ZNF618: variants seen among roughly 807,000 people sequenced by gnomAD.
The protein encoded by ZNF618 is neural precursor cell expressed, developmentally down-regulated 10.
Under a neutral mutation model 103.0 loss-of-function variants are expected in ZNF618, and 34 were observed. The observed-to-expected ratio is 0.33, with a 90% CI of 0.25 to 0.44. ZNF618 has a LOEUF of 0.44. Ranked by LOEUF, ZNF618 falls within the 20% of genes least tolerant of loss-of-function variation. ZNF618 has a pLI of 1.00. For missense variants in ZNF618, 1,059 were observed against 1,295.4 expected (o/e 0.82, Z 2.80); for synonymous variants, 551 against 542.2 (o/e 1.02, Z -0.23).
At chr9:114,021,358 T>G (rs145403990) in intron 10 of ZNF618, among the ~76,000 whole-genome samples, 3 of 152,234 alleles carry the variant, frequency 2.0e-5, no homozygotes, top group Non-Finnish European at 4.4e-5. Context: ...AAGGTTAGTT[T>G]ATAGAGTAAT....
chr9:113,951,425 GTGTGTGTATATATA>G (rs1835616496), intron 1 of ZNF618, among the ~76,000 whole-genome samples: 1 of 37,540 alleles, frequency 2.7e-5, no homozygotes, highest in African/African-American at 1.0e-4. Flanking sequence ...ACATATATGT[GTGTGTGTATATATA>G]TACATATATG....
chr9:114,007,360 G>A lies in ZNF618; in HGVS notation c.561G>A (p.Arg187=), dbSNP rs1841843586. ...GEGASQSNNF[R]YTCDICGKKY... The stretch of plus-strand genomic sequence containing the variant: ...TTTCATCCCATGCAGACAATTTCAG[G>A]TACACATGTGATATCTGCGGGAAGA... Residue 187 remains arginine (R), a synonymous_variant, in exon 7 of 15, where the codon AGG becomes AGA. Transcript: ENST00000374126. 1 of 1,613,752 alleles carries A rather than the reference G, an allele frequency of 6.2e-7. No homozygotes were observed. Among genetic ancestry groups the A allele is most frequent in the South Asian group, 1.1e-5 (1 of 91,006 alleles).
In ZNF618 at chr9:114,048,810, G is replaced by T; in HGVS notation, c.1508G>T (p.Gly503Val). 6.2e-7 allele frequency: 1 copy of T among 1,613,794 alleles called. No homozygotes were observed. Among genetic ancestry groups the T allele is most frequent in the Non-Finnish European group, 8.5e-7 (1 of 1,179,782 alleles). The change falls in exon 15 of 15, where the codon GGT becomes GTT. Residue 503 changes from glycine (G) to valine (V), a missense_variant. Around this residue, in one of 6 missense-constraint regions of ZNF618, gnomAD observed 434 missense variants for 476.0 expected, o/e 0.91. Transcript: ENST00000374126. ...TTGGCCCAGACCTTAGTAGACAGTG[G>T]TGCCCGCTATGGGGCCTTCTCGGTC... ...LKLAQTLVDS[G>V]ARYGAFSVTE...
chr9:113,962,058 T>C (rs1046416106), intron 1 of ZNF618, among the ~76,000 whole-genome samples: 9 of 152,176 alleles, frequency 5.9e-5, no homozygotes, highest in Non-Finnish European at 1.5e-5. Flanking sequence ...GGTTAATTCT[T>C]GGTCAAAGAG....
At chr9:113,940,120 CTCA>C (rs1168298219) in intron 1 of ZNF618, among the ~76,000 whole-genome samples, 1 of 97,248 alleles carries the variant, frequency 1.0e-5, no homozygotes, top group African/African-American at 3.3e-5. Context: ...TTTTTAATTT[CTCA>C]AAAAAAAAAA....
Position 113,879,397 on chromosome 9 carries a change from G to T in ZNF618, c.33+2984G>T, listed in dbSNP as rs200996867. Among the ~76,000 whole-genome samples the T allele has an allele frequency of 7.5e-3, 709 of 94,182 alleles. 1 individual carries two copies. The highest frequency in any genetic ancestry group is 8.7e-3 in the East Asian group (26 of 2,984). 61.8% of individuals were successfully genotyped at this position (94,182 alleles called of 152,430 possible). ...GTAGAACTGTTTTTTTTTTTTTTCT[G>T]TTTTTTTTTTTTTTTTAAATTGGTT... On this transcript the variant is annotated intron_variant, in intron 1 of 14. Coordinates refer to ENST00000374126, the MANE Select transcript of ZNF618 (RefSeq NM_001318042.2).
intron 12 of ZNF618, among the ~76,000 whole-genome samples, chr9:114,035,797 G>A (rs1844538389): frequency 6.6e-6 from 1 of 151,992 alleles, no homozygotes; most frequent in African/African-American, 2.4e-5. Flanking sequence ...CTGCTTCTCT[G>A]TGGCTTTTTC....
chr9:114,010,362 G>A (rs1232947313), intron 9 of ZNF618, among the ~76,000 whole-genome samples: 1 of 150,054 alleles, frequency 6.7e-6, no homozygotes, highest in African/African-American at 2.4e-5. Flanking sequence ...AATACGAGAA[G>A]TTAGACGGTA....
At chr9:113,882,990 C>G (rs970694569) in intron 1 of ZNF618, among the ~76,000 whole-genome samples, 2 of 152,238 alleles carry the variant, frequency 1.3e-5, no homozygotes, top group Non-Finnish European at 2.9e-5. Flanking sequence ...TTCTGCTTCT[C>G]CAGCCAACTT....
chr9:113,970,078 A>G (rs2132818923), intron 2 of ZNF618, among the ~76,000 whole-genome samples: 1 of 152,318 alleles, frequency 6.6e-6, no homozygotes, highest in Non-Finnish European at 1.5e-5. Context: ...CCAGTAAGTT[A>G]GAGGACAGTG....
chr9:114,020,037 G>A (rs1379812023), intron 10 of ZNF618, among the ~76,000 whole-genome samples: 1 of 152,160 alleles, frequency 6.6e-6, no homozygotes, highest in East Asian at 1.9e-4. Context: ...TGAGGTATGA[G>A]TTGAGACTCA....
chr9:114,047,631 G>A (rs1845773046), intron 13 of ZNF618, among the ~76,000 whole-genome samples: 1 of 152,130 alleles, frequency 6.6e-6, no homozygotes. Context: ...ACCACACACT[G>A]TGCTCAGCTC....
At chr9:113,880,121 C>T (rs542908133) in intron 1 of ZNF618, among the ~76,000 whole-genome samples, 3 of 152,198 alleles carry the variant, frequency 2.0e-5, no homozygotes, top group African/African-American at 4.8e-5. Context: ...AGAATCCTTA[C>T]GTCTTCTCCT....
intron 1 of ZNF618, among the ~76,000 whole-genome samples, chr9:113,905,033 T>C (rs2131326528): frequency 6.6e-6 from 1 of 152,272 alleles, no homozygotes; most frequent in South Asian, 2.1e-4. Flanking sequence ...CATTATTCTA[T>C]TATTCTGCCT....
chr9:113,972,904 T>C (rs1247780775), intron 2 of ZNF618, among the ~76,000 whole-genome samples: 4 of 151,946 alleles, frequency 2.6e-5, no homozygotes, highest in Non-Finnish European at 4.4e-5. Flanking sequence ...CTGTCTCAAC[T>C]TAAAAAATAC....
At chr9:114,026,682 T>C (rs916936363) in intron 10 of ZNF618, among the ~76,000 whole-genome samples, 1 of 152,268 alleles carries the variant, frequency 6.6e-6, no homozygotes, top group Non-Finnish European at 1.5e-5. Flanking sequence ...AAACTTATTA[T>C]GTCTGTGGCC....
At chr9:114,042,224 C>G (rs1588443377) in intron 13 of ZNF618, among the ~76,000 whole-genome samples, 1 of 152,226 alleles carries the variant, frequency 6.6e-6, no homozygotes, top group Admixed American at 6.5e-5. Context: ...AAGCTAATCG[C>G]TGTTACCAAC....
intron 6 of ZNF618, among the ~76,000 whole-genome samples, chr9:114,006,876 C>G (rs1191170869): frequency 6.6e-6 from 1 of 152,166 alleles, no homozygotes. Context: ...TCACCAGAGG[C>G]CACCCTCAGC....
At chr9:113,954,400 T>C (rs1393954680) in intron 1 of ZNF618, among the ~76,000 whole-genome samples, 4 of 152,172 alleles carry the variant, frequency 2.6e-5, no homozygotes, top group Non-Finnish European at 2.9e-5. Flanking sequence ...AGTTACAATA[T>C]GCTAGAAGGA....
Sources: gnomAD v4.1 joint callset for allele counts (sites outside exome capture counted in the v4.1 genomes callset) on GRCh38, gnomAD v4.1.1 for gene constraint, gnomAD v4.1.1 regional missense constraint, MANE v1.5 for transcripts, NCBI Gene and HGNC (gene_info 2026-07-23, HGNC 2026-07-21) for gene names.